The following ZNF234 variants were observed in gnomAD, a reference collection of about 807,000 sequenced individuals.
ZNF234 encodes C2-H2 type zinc finger protein.
Under a neutral mutation model 10.3 loss-of-function variants are expected in ZNF234, and 4 were observed. The ratio of observed to expected loss-of-function variants is 0.39; its 90% CI spans 0.19 to 0.89. The LOEUF (loss-of-function observed/expected upper bound fraction) is 0.89, where lower values mean the gene tolerates loss of function less well. Among genes scored for constraint, ZNF234 ranks in the 40% least tolerant of loss-of-function variants. The pLI is 0.38. For missense variants in ZNF234, 711 were observed against 836.1 expected (o/e 0.85, Z 1.85); for synonymous variants, 258 against 280.1 (o/e 0.92, Z 0.79).
intron 5 of ZNF234, among the ~76,000 whole-genome samples, chr19:44,151,458 A>C (rs567373315): frequency 3.9e-5 from 6 of 152,202 alleles, no homozygotes; most frequent in African/African-American, 1.4e-4. Flanking sequence ...CAGCCTCCCA[A>C]AGTGCTGGGA....
chr19:44,145,199 T>G (rs114898924), intron 3 of ZNF234, among the ~76,000 whole-genome samples: 2,382 of 152,326 alleles, frequency 0.016, 44 homozygotes, highest in African/African-American at 0.049. Context: ...AGTCTTTTCC[T>G]AATGTGCATT....
rs764156659 is a variant in ZNF234, at chr19:44,157,010, C to T, written c.994C>T (p.Arg332Cys). ...GTGTTTCACTTGTAGCTCAAACCTT[C>T]GTATCCATCAAAGGGTCCACACAGG... The part of the protein sequence containing the change: ...GKCFTCSSNL[R>C]IHQRVHTGEK... The change falls in exon 6 of 6, where the codon CGT becomes TGT. Residue 332 changes from arginine to cysteine, a missense_variant. Coordinates refer to ENST00000426739, the MANE Select transcript of ZNF234 (RefSeq NM_006630.3). 6.8e-6 allele frequency: 11 copies of T among 1,613,674 alleles called. No homozygotes were observed. Among genetic ancestry groups the T allele is most frequent in the South Asian group, 4.4e-5 (4 of 91,056 alleles).
chr19:44,158,267 T>A lies in ZNF234; in HGVS notation c.*148T>A. 1 of 964,706 alleles carries A rather than the reference T, an allele frequency of 1.0e-6. No homozygotes were observed. The highest frequency in any genetic ancestry group is 1.6e-6 in the Non-Finnish European group (1 of 621,782). 59.8% of individuals were successfully genotyped at this position (964,706 alleles called of 1,614,324 possible). ...ACCTAGACTTTTTTTTGTTTTTTAT[T>A]TTTTGTTTTGAAACAGAATCTCGCT... is the stretch of plus-strand genomic sequence containing the variant. On this transcript the variant is annotated 3_prime_UTR_variant, in exon 6 of 6. Transcript: ENST00000426739.
rs1968713376 is a variant in ZNF234 at position 44,150,481 on chromosome 19, GCAACT to G, written c.215_219del (p.Thr72LysfsTer12). Reference sequence around the variant, plus strand: ...AAAAAAGCTTGATATAATGAAGACAGCAACTCAAAGAAAAGGGAAATCAGGTAAGA... The same window carrying G: ...AAAAAAGCTTGATATAATGAAGACAGCAAAGAAAAGGGAAATCAGGTAAGA... On this transcript the variant is annotated frameshift_variant, in exon 5 of 6. Transcript: ENST00000426739. LOFTEE classifies it low-confidence loss of function (END_TRUNC). The G allele has an allele frequency of 6.3e-7, 1 of 1,583,688 alleles. No homozygotes were observed. Among genetic ancestry groups the G allele is most frequent in the East Asian group, 2.3e-5 (1 of 43,888 alleles).
rs146003558 is a variant in ZNF234 at position 44,159,861 on chromosome 19, C to T, written c.*1742C>T. ...CCAGCCTGACCAACATGGTGAAACC[C>T]CATCTCTACTAAATACAAAAATTAG... On this transcript the variant is annotated 3_prime_UTR_variant, in exon 6 of 6. Coordinates refer to ENST00000426739, the MANE Select transcript of ZNF234 (RefSeq NM_006630.3). 1.0e-5 allele frequency: 2 copies of T among 192,202 alleles called. No individual in the cohort carries two copies. The highest frequency in any genetic ancestry group is 1.6e-4 in the South Asian group (2 of 12,714). The allele number at this position is 192,202 out of a possible 1,614,324, so 11.9% of individuals were successfully genotyped here. A position where few individuals can be genotyped will look rare whatever the true frequency, so the allele number is the denominator to read the frequency against.
intron 3 of ZNF234, among the ~76,000 whole-genome samples, chr19:44,144,888 C>A (rs774279789): frequency 6.6e-6 from 1 of 152,154 alleles, no homozygotes; most frequent in Non-Finnish European, 1.5e-5. Context: ...TGGATTCAAC[C>A]AACCACAGAT....
At chr19:44,145,906 C>T (rs960356565) in intron 3 of ZNF234, among the ~76,000 whole-genome samples, 7 of 152,168 alleles carry the variant, frequency 4.6e-5, no homozygotes, top group African/African-American at 1.4e-4. Flanking sequence ...TTTAAAATGT[C>T]CAGTGACACG....
rs1968978515 is a variant in ZNF234, at chr19:44,159,021, A to G, written c.*902A>G. 1 of 152,180 alleles carries G rather than the reference A, an allele frequency of 6.6e-6. No individual in the cohort carries two copies. Among genetic ancestry groups the G allele is most frequent in the Admixed American group, 6.5e-5 (1 of 15,282 alleles). The allele number at this position is 152,180 out of a possible 1,614,324, so 9.4% of individuals were successfully genotyped here. ...GAAATGAACATTTGTTGAAATGCAG[A>G]AAACCACTGGATACTGCAGCCTACA... On this transcript the variant is annotated 3_prime_UTR_variant, in exon 6 of 6. Coordinates refer to ENST00000426739, the MANE Select transcript of ZNF234 (RefSeq NM_006630.3).
chr19:44,142,627 G>A (rs1238396952), intron 2 of ZNF234, among the ~76,000 whole-genome samples: 1 of 152,148 alleles, frequency 6.6e-6, no homozygotes, highest in Admixed American at 6.5e-5. Context: ...TATTCTCATT[G>A]AGGCAGAGGA....
chr19:44,152,447 C>T (rs1599698926), intron 5 of ZNF234, among the ~76,000 whole-genome samples: 2 of 152,154 alleles, frequency 1.3e-5, no homozygotes, highest in South Asian at 2.1e-4. Flanking sequence ...GGTTGCAGAA[C>T]GTTATTTGTT....
intron 2 of ZNF234, among the ~76,000 whole-genome samples, chr19:44,143,832 A>T (rs1420504267): frequency 2.0e-5 from 3 of 152,152 alleles, no homozygotes; most frequent in Non-Finnish European, 2.9e-5. Context: ...AAAATAAAAT[A>T]AAATTAATTT....
At chr19:44,150,885 T>G (rs1013297713) in intron 5 of ZNF234, among the ~76,000 whole-genome samples, 2 of 151,812 alleles carry the variant, frequency 1.3e-5, no homozygotes, top group African/African-American at 4.8e-5. Context: ...AATACAAAAA[T>G]TAGCCAGGCG....
At chr19:44,143,548 G>A (rs1968519148) in intron 2 of ZNF234, among the ~76,000 whole-genome samples, 1 of 151,578 alleles carries the variant, frequency 6.6e-6, no homozygotes, top group African/African-American at 2.4e-5. Flanking sequence ...GGCGGAGCTT[G>A]CAGTGAGCCG....
chr19:44,146,353 G>A (rs1408722898), intron 3 of ZNF234, among the ~76,000 whole-genome samples: 1 of 152,304 alleles, frequency 6.6e-6, no homozygotes. Context: ...GAGATGGCTG[G>A]GTCAAATGGT....
chr19:44,156,642 G>T lies in ZNF234; in HGVS notation c.626G>T (p.Cys209Phe). Residue 209 changes from cysteine (C) to phenylalanine (F), a missense_variant, in exon 6 of 6, where the codon TGT becomes TTT. Transcript: ENST00000426739. ...GAGAAATGCTATAAGTGTGACGTGT[G>T]TGGTAAGGAATTTAGTCAGAGCTCA... ...MGEKCYKCDV[C>F]GKEFSQSSHL... 1 of 1,614,174 alleles carries T rather than the reference G, an allele frequency of 6.2e-7. No homozygotes were observed. Among genetic ancestry groups the T allele is most frequent in the Non-Finnish European group, 8.5e-7 (1 of 1,180,024 alleles).
At chr19:44,153,164 T>TTATA (rs1568552114) in intron 5 of ZNF234, among the ~76,000 whole-genome samples, 1 of 54,868 alleles carries the variant, frequency 1.8e-5, no homozygotes, top group East Asian at 5.5e-4. Flanking sequence ...CATGTATTCA[T>TTATA]CATATATATA....
At chr19:44,156,220 C>A (rs1358762220) in intron 5 of ZNF234, 32 bp from the exon 6 acceptor site, 1 of 1,516,546 alleles carries the variant, frequency 6.6e-7, no homozygotes, top group South Asian at 1.4e-5. Flanking sequence ...TTTAACAGAG[C>A]CTCCACATCT....
At chr19:44,144,536 C>T (rs1968545053) in intron 2 of ZNF234, 21 bp from the exon 3 acceptor site, 2 of 1,173,408 alleles carry the variant, frequency 1.7e-6, no homozygotes, top group Admixed American at 5.2e-5. Flanking sequence ...GCTTTCATGT[C>T]TCTTTTTGTG....
chr19:44,154,364 T>C (rs1968823632), intron 5 of ZNF234, among the ~76,000 whole-genome samples: 1 of 152,124 alleles, frequency 6.6e-6, no homozygotes, highest in South Asian at 2.1e-4. Context: ...ATAATACATG[T>C]TATCAGTTCA....
Sources: gnomAD v4.1 joint callset for allele counts (sites outside exome capture counted in the v4.1 genomes callset) on GRCh38, gnomAD v4.1.1 for gene constraint, MANE v1.5 for transcripts, NCBI Gene and HGNC (gene_info 2026-07-23, HGNC 2026-07-21) for gene names.